FBXO11: variants seen among roughly 807,000 people sequenced by gnomAD.
FBXO11 encodes F-box only protein 11.
A neutral mutation model predicts 117.0 loss-of-function variants in FBXO11; 13 were observed. The ratio of observed to expected loss-of-function variants is 0.11; its 90% CI spans 0.07 to 0.18. The LOEUF (loss-of-function observed/expected upper bound fraction) is 0.18. Among genes scored for constraint, FBXO11 ranks in the 10% least tolerant of loss-of-function variants. The probability of loss-of-function intolerance (pLI) is 1.00; values close to 1 mark genes in which losing one functional copy is unlikely to be tolerated. For synonymous variants in FBXO11, 490 were observed against 380.5 expected, an observed-to-expected ratio of 1.29 and a Z score of -3.35; for missense variants, 767 against 1,164.4, an observed-to-expected ratio of 0.66 and a Z score of 4.97.
chr2:47,851,059 G>A (rs1467542582), intron 1 of FBXO11, among the ~76,000 whole-genome samples: 1 of 152,130 alleles, frequency 6.6e-6, no homozygotes, highest in Non-Finnish European at 1.5e-5. Context: ...ATTGGACAAT[G>A]TAATTCAAAA....
intron 1 of FBXO11, among the ~76,000 whole-genome samples, chr2:47,877,040 G>C (rs1315483159): frequency 6.7e-6 from 1 of 149,640 alleles, no homozygotes; most frequent in Non-Finnish European, 1.5e-5. Flanking sequence ...ACTTAATACA[G>C]GGTTTTTTTT....
At chr2:47,846,997 C>A (rs900247546) in intron 1 of FBXO11, among the ~76,000 whole-genome samples, 1 of 152,152 alleles carries the variant, frequency 6.6e-6, no homozygotes, top group African/African-American at 2.4e-5. Context: ...GTAATCCCTG[C>A]ACTTTAGGAG....
At chr2:47,814,740 CG>C (rs1297052219) in intron 16 of FBXO11, among the ~76,000 whole-genome samples, 2 of 152,152 alleles carry the variant, frequency 1.3e-5, no homozygotes, top group Non-Finnish European at 2.9e-5. Context: ...CTTCCTTTCA[CG>C]GAAGATTTCT....
chr2:47,878,455 C>T (rs974247411), intron 1 of FBXO11, among the ~76,000 whole-genome samples: 2 of 151,964 alleles, frequency 1.3e-5, no homozygotes, highest in African/African-American at 4.8e-5. Flanking sequence ...CCTCTGGGTT[C>T]AAGCAATTCT....
chr2:47,807,972 G>C lies in FBXO11; in HGVS notation c.*146C>G, dbSNP rs1023210725. 2.9e-5 allele frequency: 21 copies of C among 714,490 alleles called. No homozygotes were observed. The highest frequency in any genetic ancestry group is 3.5e-5 in the African/African-American group (2 of 56,660). 44.3% of individuals were successfully genotyped at this position (714,490 alleles called of 1,614,324 possible). Reference sequence around the variant, plus strand: ...ATTGCCACTTTCTTTTTGGTAGCTTGAGCTTCATAGTGTCAACTGACCTTG... The same window carrying C: ...ATTGCCACTTTCTTTTTGGTAGCTTCAGCTTCATAGTGTCAACTGACCTTG... On this transcript the variant is annotated 3_prime_UTR_variant, in exon 23 of 23. Transcript: ENST00000403359.
chr2:47,893,785 A>G (rs1165888086), intron 1 of FBXO11, among the ~76,000 whole-genome samples: 1 of 152,224 alleles, frequency 6.6e-6, no homozygotes, highest in African/African-American at 2.4e-5. Flanking sequence ...ACCACTCTGG[A>G]AAAAGGGAAG....
At chr2:47,860,099 G>A (rs745603851) in intron 1 of FBXO11, among the ~76,000 whole-genome samples, 16 of 152,126 alleles carry the variant, frequency 1.1e-4, no homozygotes, top group Non-Finnish European at 1.6e-4. Flanking sequence ...CTAAATGAGA[G>A]CTTAAGAGGT....
At chr2:47,827,083 T>C (rs1340107434) in intron 11 of FBXO11, among the ~76,000 whole-genome samples, 1 of 152,220 alleles carries the variant, frequency 6.6e-6, no homozygotes, top group Admixed American at 6.5e-5. Flanking sequence ...AATATGGAGT[T>C]TATAATCTGT....
At chr2:47,813,663 C>T in intron 17 of FBXO11, 128 bp downstream of exon 17, 1 of 699,786 alleles carries the variant, frequency 1.4e-6, no homozygotes, top group Middle Eastern at 2.9e-4. Context: ...AAACTCCTGA[C>T]CTCGGGTGAT....
At chr2:47,826,768 TTTTA>T (rs1371194798) in intron 11 of FBXO11, among the ~76,000 whole-genome samples, 1 of 152,124 alleles carries the variant, frequency 6.6e-6, no homozygotes, top group African/African-American at 2.4e-5. Flanking sequence ...CACCTCTTCT[TTTTA>T]TTTATTTTTT....
chr2:47,846,410 T>C (rs1673412417), intron 1 of FBXO11, among the ~76,000 whole-genome samples: 1 of 152,240 alleles, frequency 6.6e-6, no homozygotes, highest in African/African-American at 2.4e-5. Context: ...GCGGCTGCGA[T>C]GAGCGGAGAT....
intron 1 of FBXO11, among the ~76,000 whole-genome samples, chr2:47,860,464 G>A (rs148373342): frequency 9.6e-4 from 144 of 149,772 alleles, no homozygotes; most frequent in African/African-American, 3.4e-3. Context: ...AGAGTGGAGC[G>A]CAGTGGCACA....
At chr2:47,872,836 G>C (rs1238459446) in intron 1 of FBXO11, among the ~76,000 whole-genome samples, 2 of 151,564 alleles carry the variant, frequency 1.3e-5, no homozygotes, top group Non-Finnish European at 2.9e-5. Flanking sequence ...TTTTTGTTTT[G>C]GAAAATAGTT....
Position 47,839,493 on chromosome 2 carries a change from G to C in FBXO11, c.368C>G (p.Ser123Ter). 1 of 1,613,630 alleles carries C rather than the reference G, an allele frequency of 6.2e-7. No individual in the cohort carries two copies. Among genetic ancestry groups the C allele is most frequent in the Non-Finnish European group, 8.5e-7 (1 of 1,179,890 alleles). ...ACCAAAGTTTTCTGTAGTTGAAGTT[G>C]AGGCGCCCTTCAAAAACAAAACAGA... ...CPTKNSMEGA[S>*]TSTTENFGHR... The change falls in exon 3 of 23, where the codon TCA (serine) becomes TGA (stop). Residue 123 changes from serine (S) to a stop codon, truncating the protein, a stop_gained. Transcript: ENST00000403359. LOFTEE classifies it high-confidence loss of function.
At position 47,820,611 on chromosome 2, in the gene FBXO11, G is replaced by C. The variant is rs192677672; in HGVS notation, c.1703-155C>G. 1.1e-4 allele frequency among the ~76,000 whole-genome samples: 17 copies of C among 152,360 alleles called. No individual in the cohort carries two copies. The East Asian group carries it at 3.3e-3, about 29-fold the overall frequency. Reference sequence around the variant, plus strand: ...AACTAGAAGTGTAAATAGATGCAGAGAGCTGCAGGCAGTATAGTATAGCTA... The same window carrying C: ...AACTAGAAGTGTAAATAGATGCAGACAGCTGCAGGCAGTATAGTATAGCTA... On this transcript the variant is annotated intron_variant, in intron 13 of 22. Coordinates refer to ENST00000403359, the MANE Select transcript of FBXO11 (RefSeq NM_001190274.2).
chr2:47,827,095 T>A (rs1297365356), intron 11 of FBXO11, among the ~76,000 whole-genome samples: 1 of 152,218 alleles, frequency 6.6e-6, no homozygotes, highest in Admixed American at 6.5e-5. Context: ...ATAATCTGTA[T>A]CTTTTGTTTC....
At chr2:47,810,224 T>G (rs1670522709) in intron 19 of FBXO11, 92 bp downstream of exon 19, 1 of 805,284 alleles carries the variant, frequency 1.2e-6, no homozygotes. Flanking sequence ...TTTGCACATT[T>G]TAGTTAATAA....
chr2:47,878,546 G>A (rs1013264890), intron 1 of FBXO11, among the ~76,000 whole-genome samples: 15 of 151,824 alleles, frequency 9.9e-5, no homozygotes, highest in African/African-American at 3.6e-4. Flanking sequence ...CAGTAGAGAT[G>A]GGGTTTCACC....
intron 4 of FBXO11, chr2:47,836,868 TAACCTCCC>T (rs1381537622): frequency 3.0e-6 from 1 of 332,162 alleles, no homozygotes; most frequent in Non-Finnish European, 5.9e-6. Flanking sequence ...ATTGCAGCCT[TAACCTCCC>T]AGGTTCAAGT....
Sources: allele counts gnomAD v4.1 joint callset (sites outside exome capture counted in the v4.1 genomes callset), GRCh38; gene constraint gnomAD v4.1.1; transcripts MANE v1.5; gene names NCBI Gene and HGNC (gene_info 2026-07-23, HGNC 2026-07-21).